The following MRTFA variants were observed in gnomAD, a reference collection of about 807,000 sequenced individuals.
MRTFA encodes myocardin-related transcription factor A.
A neutral mutation model predicts 83.5 loss-of-function variants in MRTFA; 20 were observed. That is an observed-to-expected ratio of 0.24 (90% CI 0.17 to 0.35). MRTFA has a LOEUF of 0.35. Among genes scored for constraint, MRTFA ranks in the 10% least tolerant of loss-of-function variants. The probability of loss-of-function intolerance (pLI) is 1.00; values close to 1 mark genes in which losing one functional copy is unlikely to be tolerated. For synonymous variants in MRTFA, 659 were observed against 541.2 expected (o/e 1.22, Z -3.02); for missense variants, 1,200 against 1,224.7 (o/e 0.98, Z 0.30).
intron 3 of MRTFA, among the ~76,000 whole-genome samples, chr22:40,547,315 T>TAC (rs202081466): frequency 6.6e-6 from 1 of 151,310 alleles, no homozygotes; most frequent in Non-Finnish European, 1.5e-5. Context: ...CACACACATA[T>TAC]ACACACACAC....
chr22:40,612,244 C>G (rs2056395124), intron 1 of MRTFA, among the ~76,000 whole-genome samples: 2 of 152,240 alleles, frequency 1.3e-5, no homozygotes, highest in Non-Finnish European at 2.9e-5. Context: ...CTCAAGAGAC[C>G]ACTTCCAGGA....
intron 3 of MRTFA, among the ~76,000 whole-genome samples, chr22:40,464,283 G>C (rs1032417255): frequency 1.5e-5 from 2 of 133,684 alleles, no homozygotes; most frequent in South Asian, 2.7e-4. Context: ...TCCAGCCTGG[G>C]TAACGAGAGT....
At chr22:40,549,787 C>T (rs1569323547) in intron 3 of MRTFA, among the ~76,000 whole-genome samples, 1 of 152,166 alleles carries the variant, frequency 6.6e-6, no homozygotes, top group Non-Finnish European at 1.5e-5. Flanking sequence ...TGTGGTGGCT[C>T]ACGCCTATAA....
chr22:40,635,974 G>C (rs1569363035), intron 1 of MRTFA, among the ~76,000 whole-genome samples: 1 of 152,106 alleles, frequency 6.6e-6, no homozygotes, highest in African/African-American at 2.4e-5. Context: ...TAAAGTTCTT[G>C]GCCATCAAGT....
chr22:40,470,282 A>ATAG (rs2053886396), intron 3 of MRTFA, among the ~76,000 whole-genome samples: 2 of 79,148 alleles, frequency 2.5e-5, no homozygotes, highest in African/African-American at 1.2e-4. Flanking sequence ...TATATATATA[A>ATAG]AGAAACATAA....
At chr22:40,518,992 T>A (rs1414858519) in intron 3 of MRTFA, among the ~76,000 whole-genome samples, 1 of 149,660 alleles carries the variant, frequency 6.7e-6, no homozygotes, top group Non-Finnish European at 1.5e-5. Flanking sequence ...CTTTTGGTGG[T>A]GGTGGTGGTG....
At chr22:40,533,520 G>C in intron 3 of MRTFA, 1 of 975,288 alleles carries the variant, frequency 1.0e-6, no homozygotes, top group Non-Finnish European at 1.3e-6. Flanking sequence ...TTTTTTTAAA[G>C]AAGCCTGTGG....
intron 3 of MRTFA, among the ~76,000 whole-genome samples, chr22:40,498,569 G>A (rs1041953928): frequency 1.8e-4 from 27 of 152,026 alleles, no homozygotes; most frequent in South Asian, 1.2e-3. Context: ...ATAAGCATGA[G>A]CCACTGTCCC....
chr22:40,494,611 G>T (rs1477823690), intron 3 of MRTFA, among the ~76,000 whole-genome samples: 1 of 151,974 alleles, frequency 6.6e-6, no homozygotes, highest in Non-Finnish European at 1.5e-5. Flanking sequence ...AGCCCAGGGG[G>T]CGAAGGCTGC....
At chr22:40,589,689 G>A (rs770398500) in intron 2 of MRTFA, among the ~76,000 whole-genome samples, 6 of 152,102 alleles carry the variant, frequency 3.9e-5, no homozygotes, top group Admixed American at 1.3e-4. Context: ...CTAAATTTGC[G>A]TCCCAAGGCT....
At chr22:40,457,208 T>G (rs1310615359) in intron 4 of MRTFA, among the ~76,000 whole-genome samples, 1 of 151,814 alleles carries the variant, frequency 6.6e-6, no homozygotes. Context: ...CTACTATAAA[T>G]ACAAAAATTA....
intron 4 of MRTFA, among the ~76,000 whole-genome samples, chr22:40,451,975 GTTTTTTTTTTTTTTT>G (rs771103539): frequency 1.2e-5 from 1 of 80,478 alleles, no homozygotes. Context: ...TTTTTTTTTG[GTTTTTTTTTTTTTTT>G]TTTTTTTTTT....
intron 4 of MRTFA, among the ~76,000 whole-genome samples, chr22:40,450,861 C>T (rs957300220): frequency 1.6e-4 from 24 of 152,228 alleles, no homozygotes; most frequent in African/African-American, 5.5e-4. Flanking sequence ...TAAACTGTGA[C>T]TTTCAGGAAT....
chr22:40,536,062 G>C (rs55960299), intron 3 of MRTFA, among the ~76,000 whole-genome samples: 12,239 of 151,764 alleles, frequency 0.081, 722 homozygotes, highest in East Asian at 0.25. Flanking sequence ...TAGGCCAAAC[G>C]GGAGGGTGGG....
chr22:40,437,338 T>C (rs1245950490), intron 4 of MRTFA, among the ~76,000 whole-genome samples: 1 of 152,124 alleles, frequency 6.6e-6, no homozygotes. Flanking sequence ...TTGGAAAGCT[T>C]AGCACATGCA....
chr22:40,628,106 C>T (rs2056601389), intron 1 of MRTFA, among the ~76,000 whole-genome samples: 1 of 152,294 alleles, frequency 6.6e-6, no homozygotes, highest in East Asian at 1.9e-4. Flanking sequence ...TAAGGTAGCA[C>T]AATGTCTACT....
intron 1 of MRTFA, among the ~76,000 whole-genome samples, chr22:40,611,645 G>A (rs2056389569): frequency 6.6e-6 from 1 of 152,132 alleles, no homozygotes. Context: ...ATGAATTCAG[G>A]GCAGCTTGAC....
chr22:40,496,572 G>A lies in MRTFA; in HGVS notation c.242-33286C>T, dbSNP rs1407798891. On this transcript the variant is annotated intron_variant, in intron 3 of 14. Coordinates refer to ENST00000355630, the MANE Select transcript of MRTFA (RefSeq NM_020831.6). Reference sequence around the variant, plus strand: ...GTTTCCAGCAAGATCCATAATAAATGCATTTTAAGTAAAGGACTTAAAACA... The same window carrying A: ...GTTTCCAGCAAGATCCATAATAAATACATTTTAAGTAAAGGACTTAAAACA... Among the ~76,000 whole-genome samples, 5 of 139,228 alleles carry A rather than the reference G, an allele frequency of 3.6e-5. No homozygotes were observed. In the Admixed American group the frequency reaches 3.7e-4, roughly 10 times the overall value. 91.3% of individuals were successfully genotyped at this position (139,228 alleles called of 152,430 possible).
At chr22:40,636,410 A>T (rs567456609) in intron 1 of MRTFA, 68 bp downstream of exon 1, 2 of 152,014 alleles carry the variant, frequency 1.3e-5, no homozygotes, top group African/African-American at 4.8e-5. Context: ...GTCGGGGGGG[A>T]AAAAGGATGC....
Sources: gnomAD v4.1 joint callset for allele counts (sites outside exome capture counted in the v4.1 genomes callset) on GRCh38, gnomAD v4.1.1 for gene constraint, MANE v1.5 for transcripts, NCBI Gene and HGNC (gene_info 2026-07-23, HGNC 2026-07-21) for gene names.